Variants in BCKDHB observed in about 807,000 individuals in gnomAD.
BCKDHB encodes 2-oxoisovalerate dehydrogenase subunit beta, mitochondrial.
Under a neutral mutation model 48.5 loss-of-function variants are expected in BCKDHB, and 41 were observed. The ratio of observed to expected loss-of-function variants is 0.85; its 90% CI spans 0.66 to 1.10. The LOEUF is 1.10. Ranked by LOEUF, BCKDHB falls within the 50% of genes least tolerant of loss-of-function variation. BCKDHB has a pLI of 0.00. For synonymous variants in BCKDHB, 201 were observed against 174.8 expected, an observed-to-expected ratio of 1.15 and a Z score of -1.18; for missense variants, 496 against 494.2, an observed-to-expected ratio of 1.00 and a Z score of -0.03.
At chr6:80,242,963 A>G (rs1220050246) in intron 8 of BCKDHB, among the ~76,000 whole-genome samples, 2 of 152,182 alleles carry the variant, frequency 1.3e-5, no homozygotes, top group African/African-American at 2.4e-5. Flanking sequence ...TGGCAGGCAG[A>G]GAAGGTTGAC....
chr6:80,118,814 C>A (rs775166813), intron 1 of BCKDHB, among the ~76,000 whole-genome samples: 23 of 152,072 alleles, frequency 1.5e-4, no homozygotes, highest in Non-Finnish European at 5.9e-5. Flanking sequence ...TAGATTCCAT[C>A]TCAAGGCTCC....
rs531592880 is a variant in BCKDHB at position 80,140,912 on chromosome 6, C to T, written c.343+11683C>T. Among the ~76,000 whole-genome samples the T allele has an allele frequency of 7.7e-4, 117 of 152,174 alleles. 1 individual carries two copies. The highest frequency in any genetic ancestry group is 1.3e-3 in the African/African-American group (55 of 41,498). On this transcript the variant is annotated intron_variant, in intron 3 of 9. Coordinates refer to ENST00000320393, the MANE Select transcript of BCKDHB (RefSeq NM_183050.4). Reference sequence around the variant, plus strand: ...TCCTCCTTGTACCTCTGGTAGAATTCGGCTGTGAATCCATCTGGTCCTGGA... The same window carrying T: ...TCCTCCTTGTACCTCTGGTAGAATTTGGCTGTGAATCCATCTGGTCCTGGA...
chr6:80,330,791 A>G (rs2128008834), intron 9 of BCKDHB, among the ~76,000 whole-genome samples: 1 of 152,288 alleles, frequency 6.6e-6, no homozygotes, highest in African/African-American at 2.4e-5. Flanking sequence ...TTTTCTTGTC[A>G]GTTTTCCTTC....
chr6:80,122,540 G>A lies in BCKDHB; in HGVS notation c.197-5007G>A, dbSNP rs180777240. Among the ~76,000 whole-genome samples, 11 of 152,300 alleles carry A rather than the reference G, an allele frequency of 7.2e-5. No individual in the cohort carries two copies. In the East Asian group the frequency reaches 7.7e-4, roughly 11 times the overall value. On this transcript the variant is annotated intron_variant, in intron 1 of 9. Transcript: ENST00000320393. ...TGAGGAATTTTACAGCTGGGCCGCC[G>A]GGGGTGACATCCCATATTGGTAGGA...
At chr6:80,203,892 T>C (rs552183910) in intron 8 of BCKDHB, among the ~76,000 whole-genome samples, 6 of 152,218 alleles carry the variant, frequency 3.9e-5, no homozygotes, top group Admixed American at 3.3e-4. Flanking sequence ...TTAAGAAGCA[T>C]CTATTTTCAT....
the BCKDHB span, among the ~76,000 whole-genome samples, chr6:80,427,333 C>T: frequency 6.6e-6 from 1 of 151,926 alleles, no homozygotes; most frequent in Non-Finnish European, 1.5e-5. Flanking sequence ...TACTATAACA[C>T]TTTATATATA....
the BCKDHB span, among the ~76,000 whole-genome samples, chr6:80,412,790 T>C: frequency 6.6e-6 from 1 of 152,214 alleles, no homozygotes; most frequent in South Asian, 2.1e-4. Context: ...TTGCTAGATA[T>C]AGTTATTTGG....
chr6:80,422,244 C>T, the BCKDHB span, among the ~76,000 whole-genome samples: 1 of 152,152 alleles, frequency 6.6e-6, no homozygotes, highest in South Asian at 2.1e-4. Context: ...GCCTTGTTGG[C>T]TTCTATGTGG....
intron 1 of BCKDHB, among the ~76,000 whole-genome samples, chr6:80,116,667 A>G (rs1435245059): frequency 6.6e-6 from 1 of 152,226 alleles, no homozygotes; most frequent in Non-Finnish European, 1.5e-5. Flanking sequence ...ACAATAGGCA[A>G]CCATTAACTT....
the BCKDHB span, among the ~76,000 whole-genome samples, chr6:80,388,701 C>A: frequency 6.6e-6 from 1 of 152,172 alleles, no homozygotes; most frequent in Non-Finnish European, 1.5e-5. Flanking sequence ...TCAGCCTGCA[C>A]CAGTGACCTC....
At chr6:80,150,167 A>G (rs1771700964) in intron 3 of BCKDHB, among the ~76,000 whole-genome samples, 1 of 152,000 alleles carries the variant, frequency 6.6e-6, no homozygotes, top group African/African-American at 2.4e-5. Flanking sequence ...TTCCACTTCA[A>G]ATCCAACCTC....
intron 8 of BCKDHB, among the ~76,000 whole-genome samples, chr6:80,242,999 A>G (rs1449133419): frequency 1.3e-5 from 2 of 152,180 alleles, no homozygotes; most frequent in Non-Finnish European, 1.5e-5. Context: ...AAAGGATTCT[A>G]TCTCTCAATT....
chr6:80,358,377 G>A, the BCKDHB span, among the ~76,000 whole-genome samples: 1 of 152,042 alleles, frequency 6.6e-6, no homozygotes, highest in African/African-American at 2.4e-5. Context: ...AAGTTTTACT[G>A]TGTCCTCTGA....
At chr6:80,383,164 A>C in the BCKDHB span, among the ~76,000 whole-genome samples, 12 of 152,264 alleles carry the variant, frequency 7.9e-5, no homozygotes, top group South Asian at 2.5e-3. Context: ...CATACTAAAA[A>C]TGTCATCTTT....
chr6:80,338,553 A>G (rs1360364999), intron 9 of BCKDHB, among the ~76,000 whole-genome samples: 3 of 152,132 alleles, frequency 2.0e-5, no homozygotes, highest in Non-Finnish European at 4.4e-5. Context: ...GTATTTTCTT[A>G]CACATTTTAG....
intron 8 of BCKDHB, among the ~76,000 whole-genome samples, chr6:80,246,361 T>G (rs1776613189): frequency 6.6e-6 from 1 of 152,186 alleles, no homozygotes; most frequent in African/African-American, 2.4e-5. Flanking sequence ...TTGACCTTTG[T>G]CTTCATGTTA....
intron 5 of BCKDHB, among the ~76,000 whole-genome samples, chr6:80,170,317 T>A (rs1772843301): frequency 6.6e-6 from 1 of 152,206 alleles, no homozygotes; most frequent in Admixed American, 6.5e-5. Context: ...CCTCAGGGAA[T>A]CTTAAGTCTT....
At chr6:80,447,009 T>C in the BCKDHB span, among the ~76,000 whole-genome samples, 1 of 152,198 alleles carries the variant, frequency 6.6e-6, no homozygotes, top group Non-Finnish European at 1.5e-5. Context: ...AGGTGAACTT[T>C]AAAATGGCAG....
intron 2 of BCKDHB, among the ~76,000 whole-genome samples, chr6:80,128,416 G>A (rs1183653432): frequency 1.3e-5 from 2 of 152,018 alleles, no homozygotes; most frequent in African/African-American, 2.4e-5. Context: ...TCTTGGGGTC[G>A]ATAAAAACTG....
Sources: allele counts gnomAD v4.1 joint callset (sites outside exome capture counted in the v4.1 genomes callset), GRCh38; gene constraint gnomAD v4.1.1; transcripts MANE v1.5; gene names NCBI Gene and HGNC (gene_info 2026-07-23, HGNC 2026-07-21).